Variants in CMSS1 observed in about 807,000 individuals in gnomAD.
CMSS1 encodes the protein protein CMSS1.
A neutral mutation model predicts 43.5 loss-of-function variants in CMSS1; 33 were observed. The observed-to-expected ratio is 0.76, with a 90% CI of 0.57 to 1.01. The LOEUF is 1.01. Ranked by LOEUF, CMSS1 falls within the 50% of genes least tolerant of loss-of-function variation. The pLI is 0.00. For synonymous variants in CMSS1, 115 were observed against 117.2 expected, an observed-to-expected ratio of 0.98 and a Z score of 0.12; for missense variants, 313 against 326.4, an observed-to-expected ratio of 0.96 and a Z score of 0.32.
At chr3:99,969,229 G>A (rs868059048) in intron 1 of CMSS1, among the ~76,000 whole-genome samples, 4 of 152,072 alleles carry the variant, frequency 2.6e-5, no homozygotes, top group Admixed American at 2.0e-4. Context: ...GAACAATATT[G>A]GGATAATGTA....
chr3:100,085,201 A>G (rs751340462), intron 1 of CMSS1, among the ~76,000 whole-genome samples: 4 of 152,236 alleles, frequency 2.6e-5, no homozygotes, highest in African/African-American at 4.8e-5. Flanking sequence ...AGGTGATTAT[A>G]CCGTACAACC....
intron 1 of CMSS1, among the ~76,000 whole-genome samples, chr3:99,824,642 C>G (rs1392848194): frequency 6.6e-6 from 1 of 152,258 alleles, no homozygotes; most frequent in Non-Finnish European, 1.5e-5. Flanking sequence ...ATTTGTCAAA[C>G]TCCTGTCCAG....
At chr3:99,869,256 G>A (rs540245327) in intron 1 of CMSS1, among the ~76,000 whole-genome samples, 1 of 152,150 alleles carries the variant, frequency 6.6e-6, no homozygotes, top group Non-Finnish European at 1.5e-5. Context: ...AACTTTGCCT[G>A]TGATTCTTTG....
intron 1 of CMSS1, among the ~76,000 whole-genome samples, chr3:99,953,586 A>G (rs1462229013): frequency 1.3e-5 from 2 of 152,336 alleles, no homozygotes; most frequent in East Asian, 1.9e-4. Flanking sequence ...AAAGAATTCA[A>G]TAAAATCCAA....
intron 1 of CMSS1, among the ~76,000 whole-genome samples, chr3:99,983,308 C>T (rs763232756): frequency 3.4e-5 from 5 of 148,846 alleles, no homozygotes; most frequent in South Asian, 2.1e-4. Context: ...CCAAGGCAGG[C>T]GGATCACCTG....
At chr3:99,832,971 A>G (rs1370299885) in intron 1 of CMSS1, among the ~76,000 whole-genome samples, 1 of 151,922 alleles carries the variant, frequency 6.6e-6, no homozygotes, top group African/African-American at 2.4e-5. Flanking sequence ...CGTTATGTCA[A>G]ATAGCTCCAA....
At chr3:100,100,772 CTCGCAAGGTTAGTA>C (rs934032356) in intron 1 of CMSS1, among the ~76,000 whole-genome samples, 4 of 151,994 alleles carry the variant, frequency 2.6e-5, no homozygotes, top group African/African-American at 9.7e-5. Context: ...AGTGTGAGAC[CTCGCAAGGTTAGTA>C]TCGCCTTGCT....
At chr3:99,982,192 T>C (rs1408279386) in intron 1 of CMSS1, among the ~76,000 whole-genome samples, 1 of 152,226 alleles carries the variant, frequency 6.6e-6, no homozygotes, top group Non-Finnish European at 1.5e-5. Context: ...GTTTTTTTAA[T>C]AGTATTGTCT....
chr3:99,869,424 A>G (rs1426120706), intron 1 of CMSS1, among the ~76,000 whole-genome samples: 1 of 152,216 alleles, frequency 6.6e-6, no homozygotes, highest in African/African-American at 2.4e-5. Context: ...AACATAATGT[A>G]TTTATTTTAA....
At chr3:100,154,057 C>T (rs945304778) in intron 2 of CMSS1, among the ~76,000 whole-genome samples, 4 of 151,972 alleles carry the variant, frequency 2.6e-5, no homozygotes, top group African/African-American at 7.3e-5. Flanking sequence ...ACCTTGTTGG[C>T]GAGGCTGATC....
intron 2 of CMSS1, among the ~76,000 whole-genome samples, chr3:100,148,122 A>G (rs940531584): frequency 2.6e-5 from 4 of 152,184 alleles, no homozygotes; most frequent in Admixed American, 6.5e-5. Context: ...TCTGTTGCCC[A>G]GGCTAGAGGA....
chr3:99,823,850 TCTTA>T (rs1474392035), intron 1 of CMSS1, among the ~76,000 whole-genome samples: 2 of 152,080 alleles, frequency 1.3e-5, no homozygotes, highest in African/African-American at 4.8e-5. Flanking sequence ...ACTCATTCTG[TCTTA>T]CTTAGCCGTT....
At chr3:100,129,662 TC>T (rs888220687) in intron 1 of CMSS1, among the ~76,000 whole-genome samples, 10 of 152,134 alleles carry the variant, frequency 6.6e-5, no homozygotes, top group African/African-American at 2.4e-4. Flanking sequence ...CCTAAAATTC[TC>T]CCCCAGAGTC....
chr3:100,170,291 C>T (rs2067099208), intron 6 of CMSS1, among the ~76,000 whole-genome samples: 1 of 152,178 alleles, frequency 6.6e-6, no homozygotes, highest in African/African-American at 2.4e-5. Context: ...AAGTAGAAAA[C>T]CCATGTTAGG....
At position 100,167,786 on chromosome 3, in the gene CMSS1, C is replaced by T. The variant is rs746747839; in HGVS notation, c.464C>T (p.Ser155Leu). 6.8e-6 allele frequency: 11 copies of T among 1,613,116 alleles called. No homozygotes were observed. In the South Asian group the frequency reaches 7.7e-5, roughly 11 times the overall value. Residue 155 changes from serine (S) to leucine (L), a missense_variant, in exon 6 of 10, where the codon TCG becomes TTG. By Grantham distance (145) the Ser-to-Leu change is moderately radical (BLOSUM62 -2). Coordinates refer to ENST00000421999, the MANE Select transcript of CMSS1 (RefSeq NM_032359.4). ...KLRKNHSEKK[S>L]VLMLIICSSA... ...AGGAAGAACCACAGTGAGAAGAAAT[C>T]GGTCCTGATGCTGATCATCTGCAGC...
At chr3:99,907,172 A>T (rs1481751157) in intron 1 of CMSS1, among the ~76,000 whole-genome samples, 1 of 152,178 alleles carries the variant, frequency 6.6e-6, no homozygotes. Context: ...TGTACTCTTA[A>T]TACTTTGTCA....
chr3:99,977,591 A>G (rs765162315), intron 1 of CMSS1, among the ~76,000 whole-genome samples: 1 of 152,206 alleles, frequency 6.6e-6, no homozygotes, highest in East Asian at 1.9e-4. Context: ...CCATGAAATA[A>G]ATTTCAACAA....
Position 100,038,443 on chromosome 3 carries a change from T to C in CMSS1, c.65-108530T>C, listed in dbSNP as rs556293380. Among the ~76,000 whole-genome samples, 10 of 152,338 alleles carry C rather than the reference T, an allele frequency of 6.6e-5. No homozygotes were observed. In the East Asian group the frequency reaches 1.9e-3, roughly 29 times the overall value. On this transcript the variant is annotated intron_variant, in intron 1 of 9. Coordinates refer to ENST00000421999, the MANE Select transcript of CMSS1 (RefSeq NM_032359.4). ...TCTTTTTTCACCATTTTTTTGCTTA[T>C]AGAGAATTCGAGTAGGGAGCGGAAA...
chr3:100,108,749 G>T (rs541978985), intron 1 of CMSS1, among the ~76,000 whole-genome samples: 2 of 152,294 alleles, frequency 1.3e-5, no homozygotes, highest in East Asian at 3.9e-4. Context: ...ATGAACAAAT[G>T]TATGCCCCTT....
Sources: gnomAD v4.1 joint callset for allele counts (sites outside exome capture counted in the v4.1 genomes callset) on GRCh38, gnomAD v4.1.1 for gene constraint, MANE v1.5 for transcripts, NCBI Gene and HGNC (gene_info 2026-07-23, HGNC 2026-07-21) for gene names.